Variants in TENM1 observed in about 807,000 individuals in gnomAD.
TENM1 encodes the protein teneurin-1.
TENM1 carries 35 observed loss-of-function variants against 174.8 expected under a neutral mutation model. The observed-to-expected ratio is 0.20, with a 90% CI of 0.15 to 0.27. TENM1 has a LOEUF of 0.27. Among genes scored for constraint, TENM1 ranks in the 10% least tolerant of loss-of-function variants. The probability of loss-of-function intolerance (pLI) is 1.00; values close to 1 mark genes in which losing one functional copy is unlikely to be tolerated. For synonymous variants in TENM1, 781 were observed against 798.7 expected, an observed-to-expected ratio of 0.98 and a Z score of 0.37; for missense variants, 1,633 against 2,130.1, an observed-to-expected ratio of 0.77 and a Z score of 4.59.
intron 3 of TENM1, among the ~76,000 whole-genome samples, chrX:124,821,415 AT>A (rs1198207000): frequency 1.8e-5 from 2 of 112,205 alleles, no homozygotes; most frequent in Non-Finnish European, 3.8e-5. Context: ...AATTAGAACG[AT>A]TAGAAAAAAT....
intron 11 of TENM1, among the ~76,000 whole-genome samples, chrX:124,618,092 A>T (rs1251139676): frequency 1.8e-5 from 2 of 112,357 alleles, no homozygotes; most frequent in Non-Finnish European, 3.8e-5. Flanking sequence ...AATTACTCCT[A>T]GTTGAAGGAA....
chrX:124,633,708 T>C (rs776460734), intron 11 of TENM1, among the ~76,000 whole-genome samples: 22 of 111,041 alleles, frequency 2.0e-4, no homozygotes, highest in Non-Finnish European at 3.4e-4. Context: ...TCTACTTTCA[T>C]TTGGGCCAAA....
At chrX:124,855,469 G>T (rs995192338) in intron 3 of TENM1, among the ~76,000 whole-genome samples, 1 of 111,407 alleles carries the variant, frequency 9.0e-6, no homozygotes, top group Non-Finnish European at 1.9e-5. Context: ...AAAATGAAGT[G>T]CTTGATTGAG....
intron 23 of TENM1, among the ~76,000 whole-genome samples, chrX:124,425,540 C>T (rs1383259723): frequency 8.9e-6 from 1 of 112,249 alleles, no homozygotes; most frequent in Non-Finnish European, 1.9e-5. Flanking sequence ...CATATGATGC[C>T]ATTCCACCAT....
intron 8 of TENM1, among the ~76,000 whole-genome samples, chrX:124,650,467 G>C (rs1326908566): frequency 9.0e-6 from 1 of 111,173 alleles, no homozygotes; most frequent in Non-Finnish European, 1.9e-5. Flanking sequence ...TAGGTTCTTT[G>C]GGGGAGGAAG....
the TENM1 span, among the ~76,000 whole-genome samples, chrX:125,037,588 CT>C: frequency 9.0e-6 from 1 of 111,035 alleles, no homozygotes; most frequent in Admixed American, 9.6e-5. Flanking sequence ...TAGATATGAA[CT>C]GTCAACAAGT....
chrX:124,810,068 A>G (rs1249581726), intron 3 of TENM1, among the ~76,000 whole-genome samples: 3 of 111,123 alleles, frequency 2.7e-5, no homozygotes, highest in East Asian at 5.7e-4. Flanking sequence ...CAGTACCTCA[A>G]CAGAAGAAAG....
the TENM1 span, among the ~76,000 whole-genome samples, chrX:125,128,346 C>T: frequency 9.0e-6 from 1 of 111,496 alleles, no homozygotes; most frequent in African/African-American, 3.3e-5. Context: ...GAGCAAATAC[C>T]TTCTCTTCAT....
At chrX:125,046,858 G>A in the TENM1 span, among the ~76,000 whole-genome samples, 12 of 50,788 alleles carry the variant, frequency 2.4e-4, no homozygotes, top group South Asian at 6.4e-4. Context: ...GTGTGCATGC[G>A]TGTGTGTGTG....
intron 3 of TENM1, among the ~76,000 whole-genome samples, chrX:124,809,777 GCCTC>G (rs1183907331): frequency 4.7e-5 from 5 of 107,238 alleles, no homozygotes; most frequent in Non-Finnish European, 7.7e-5. Context: ...GGCTGGGATG[GCCTC>G]AATAAACTTA....
the TENM1 span, among the ~76,000 whole-genome samples, chrX:125,005,755 C>T: frequency 1.8e-5 from 2 of 110,745 alleles, no homozygotes; most frequent in Non-Finnish European, 3.8e-5. Flanking sequence ...GATGGGACGT[C>T]GCTTCACCTG....
the TENM1 span, among the ~76,000 whole-genome samples, chrX:125,064,530 G>A: frequency 8.1e-5 from 9 of 111,440 alleles, no homozygotes; most frequent in Non-Finnish European, 1.1e-4. Context: ...ATTTTAAGAG[G>A]GGATAAGATG....
chrX:125,131,921 T>C, the TENM1 span, among the ~76,000 whole-genome samples: 1 of 112,077 alleles, frequency 8.9e-6, no homozygotes, highest in Non-Finnish European at 1.9e-5. Context: ...AACATAACAG[T>C]TTCACACAAC....
chrX:125,132,691 C>A, the TENM1 span, among the ~76,000 whole-genome samples: 21 of 111,223 alleles, frequency 1.9e-4, no homozygotes, highest in Non-Finnish European at 4.0e-4. Flanking sequence ...TATTATTGTC[C>A]CTGTTTTATT....
intron 3 of TENM1, among the ~76,000 whole-genome samples, chrX:124,755,006 G>A (rs781221325): frequency 3.0e-5 from 3 of 101,081 alleles, no homozygotes; most frequent in South Asian, 9.2e-4. Context: ...TATTAGGTCC[G>A]CTTGGTGCAG....
intron 18 of TENM1, among the ~76,000 whole-genome samples, chrX:124,509,029 A>C (rs889624559): frequency 9.0e-6 from 1 of 111,093 alleles, no homozygotes; most frequent in Non-Finnish European, 1.9e-5. Flanking sequence ...CCCCCAGTGG[A>C]GGTTATATTC....
rs370552793 is a variant in TENM1 at position 124,932,587 on chromosome X, G to A, written c.217+30950C>T. On this transcript the variant is annotated intron_variant, in intron 1 of 31. Transcript: ENST00000422452. ...TGAGCAATATATGTGGAAGTCAGAA[G>A]TTGTGAAGGAAGACTTTATCAAAGA... is the stretch of plus-strand genomic sequence containing the variant. Among the ~76,000 whole-genome samples, 24 of 112,304 alleles carry A rather than the reference G, an allele frequency of 2.1e-4. No individual in the cohort carries two copies. In the South Asian group the frequency reaches 3.7e-3, roughly 17 times the overall value.
chrX:124,794,520 T>G (rs2055258041), intron 3 of TENM1, among the ~76,000 whole-genome samples: 1 of 111,097 alleles, frequency 9.0e-6, no homozygotes, highest in East Asian at 2.8e-4. Flanking sequence ...GAAATATATC[T>G]TCTCTCTATC....
At chrX:125,033,627 T>C in the TENM1 span, among the ~76,000 whole-genome samples, 1 of 111,321 alleles carries the variant, frequency 9.0e-6, no homozygotes, top group Admixed American at 9.5e-5. Flanking sequence ...GTTCCTTCTT[T>C]TGAACCATGA....
Sources: gnomAD v4.1 joint callset for allele counts (sites outside exome capture counted in the v4.1 genomes callset) on GRCh38, gnomAD v4.1.1 for gene constraint, MANE v1.5 for transcripts, NCBI Gene and HGNC (gene_info 2026-07-23, HGNC 2026-07-21) for gene names.